Variants in BCO1 observed in about 807,000 individuals in gnomAD.
BCO1 encodes beta,beta-carotene 15,15'-dioxygenase.
Under a neutral mutation model 56.3 loss-of-function variants are expected in BCO1, and 54 were observed. The observed-to-expected ratio is 0.96, with a 90% CI of 0.77 to 1.20. The LOEUF (loss-of-function observed/expected upper bound fraction) is 1.20. Ranked by LOEUF, BCO1 falls within the 50% of genes most tolerant of loss-of-function variation. The pLI is 0.00. For missense variants in BCO1, 801 were observed against 690.9 expected (o/e 1.16, Z -1.79); for synonymous variants, 318 against 266.1 (o/e 1.20, Z -1.90).
rs143739349 is a variant in BCO1, at chr16:81,239,016, T to G, written c.64+44T>G. On this transcript the variant is annotated intron_variant, in intron 1 of 10. Transcript: ENST00000258168. Reference sequence around the variant, plus strand: ...ACTGGGCTCTTTCTTCTATTTATTTTATTATTTTTTTTTTTTTTGAGGCGG... The same window carrying G: ...ACTGGGCTCTTTCTTCTATTTATTTGATTATTTTTTTTTTTTTTGAGGCGG... 6.5e-5 allele frequency: 99 copies of G among 1,530,412 alleles called. No individual in the cohort carries two copies. The African/African-American group carries it at 1.4e-3, about 22-fold the overall frequency. The allele number at this position is 1,530,412 out of a possible 1,614,324, so 94.8% of individuals were successfully genotyped here. A position where few individuals can be genotyped will look rare whatever the true frequency, so the allele number is the denominator to read the frequency against.
intron 2 of BCO1, among the ~76,000 whole-genome samples, chr16:81,255,433 C>A (rs934627407): frequency 2.0e-5 from 3 of 152,182 alleles, no homozygotes; most frequent in Non-Finnish European, 4.4e-5. Context: ...AAGTTGGAAC[C>A]TTTAAGCACT....
chr16:81,266,763 C>G (rs1184676406), intron 5 of BCO1, among the ~76,000 whole-genome samples: 1 of 152,192 alleles, frequency 6.6e-6, no homozygotes, highest in Non-Finnish European at 1.5e-5. Context: ...AGCAGAGATC[C>G]TCTGAGCACC....
intron 3 of BCO1, among the ~76,000 whole-genome samples, chr16:81,260,226 G>A (rs976796991): frequency 1.9e-4 from 29 of 151,186 alleles, no homozygotes; most frequent in Non-Finnish European, 7.4e-5. Flanking sequence ...AAAACTGTAC[G>A]AGAAAATGCC....
intron 8 of BCO1, among the ~76,000 whole-genome samples, chr16:81,281,593 A>G (rs1401708321): frequency 1.3e-5 from 2 of 152,196 alleles, no homozygotes; most frequent in African/African-American, 4.8e-5. Flanking sequence ...TATCCTGCAA[A>G]AATAGGTGTT....
chr16:81,280,010 C>T (rs1364079617), intron 7 of BCO1, among the ~76,000 whole-genome samples: 1 of 152,000 alleles, frequency 6.6e-6, no homozygotes, highest in Non-Finnish European at 1.5e-5. Context: ...CGCCTGTAAT[C>T]CCAGCACTTT....
intron 3 of BCO1, 172 bp from the exon 4 acceptor site, chr16:81,261,964 A>C (rs1906511978): frequency 1.4e-6 from 1 of 723,662 alleles, no homozygotes; most frequent in Non-Finnish European, 2.4e-6. Flanking sequence ...GGATGGTCTC[A>C]ATCTCCTGAC....
intron 7 of BCO1, among the ~76,000 whole-genome samples, chr16:81,275,086 A>T (rs1386014881): frequency 6.6e-6 from 1 of 152,264 alleles, no homozygotes; most frequent in South Asian, 2.1e-4. Context: ...AAAGTCAGGC[A>T]GGTGGACAGA....
chr16:81,263,632 A>C (rs1906633833), intron 4 of BCO1: 1 of 152,206 alleles, frequency 6.6e-6, no homozygotes, highest in Non-Finnish European at 1.5e-5. Flanking sequence ...GACTGTTGAA[A>C]TGCCTGCGAT....
intron 6 of BCO1, among the ~76,000 whole-genome samples, chr16:81,269,193 T>G: frequency 6.7e-6 from 1 of 149,340 alleles, no homozygotes; most frequent in East Asian, 2.0e-4. Context: ...CCCAACTCAC[T>G]TCCCCCCTCC....
chr16:81,286,258 G>A (rs768475437), intron 9 of BCO1, among the ~76,000 whole-genome samples: 1 of 152,114 alleles, frequency 6.6e-6, no homozygotes, highest in Non-Finnish European at 1.5e-5. Flanking sequence ...TGCTGTGCAG[G>A]TGTCACTTCT....
intron 2 of BCO1, among the ~76,000 whole-genome samples, chr16:81,253,601 A>G (rs1279595908): frequency 2.0e-5 from 3 of 152,148 alleles, no homozygotes; most frequent in East Asian, 1.9e-4. Flanking sequence ...GTCAGCCCCA[A>G]AGCTCAGGCT....
In BCO1 at chr16:81,264,736, G is replaced by A. The variant is rs151149493; in HGVS notation, c.568G>A (p.Glu190Lys). The A allele has an allele frequency of 4.2e-5, 67 of 1,614,226 alleles. No individual in the cohort carries two copies. In the African/African-American group the frequency reaches 7.9e-4, roughly 19 times the overall value. The change falls in exon 5 of 11, where the codon GAA becomes AAA. Residue 190 changes from glutamate (E) to lysine (K), a missense_variant. Physicochemically the swap from Glu to Lys is moderately conservative, Grantham distance 56. Transcript: ENST00000258168. ...TCTAAACATGGGCACATCCATTGTG[G>A]AAAAGGGGAAGACAAAGTATGTGAT... ...NVLNMGTSIV[E>K]KGKTKYVIFK...
intron 2 of BCO1, among the ~76,000 whole-genome samples, chr16:81,248,986 T>G (rs113658173): frequency 0.025 from 3,824 of 152,172 alleles, 158 homozygotes; most frequent in African/African-American, 0.086. Context: ...CACTCCAGCC[T>G]GGGTGACACA....
At chr16:81,253,744 G>A (rs1197496506) in intron 2 of BCO1, among the ~76,000 whole-genome samples, 2 of 152,050 alleles carry the variant, frequency 1.3e-5, no homozygotes, top group Admixed American at 6.6e-5. Flanking sequence ...CGGGAGGATC[G>A]CTTGAGTCCA....
chr16:81,278,036 G>GTTTAT (rs1401451697), intron 7 of BCO1, among the ~76,000 whole-genome samples: 2 of 151,922 alleles, frequency 1.3e-5, no homozygotes, highest in Admixed American at 1.3e-4. Flanking sequence ...GAAAGTTTCT[G>GTTTAT]TTTATTTTAT....
rs1406795240 is a variant in BCO1, at chr16:81,290,782, T to C, written c.*205T>C. ...AAAATTTTGTTTGAAAGTCAAACAT[T>C]TGAACATCAAATATGTATTGATTAG... is the stretch of plus-strand genomic sequence containing the variant. On this transcript the variant is annotated 3_prime_UTR_variant, in exon 11 of 11. Transcript: ENST00000258168. The C allele has an allele frequency of 1.0e-5, 6 of 576,582 alleles. No individual in the cohort carries two copies. The highest frequency in any genetic ancestry group is 1.8e-5 in the Non-Finnish European group (6 of 324,526). The allele number at this position is 576,582 out of a possible 1,614,324, so 35.7% of individuals were successfully genotyped here. A position where few individuals can be genotyped will look rare whatever the true frequency, so the allele number is the denominator to read the frequency against.
intron 7 of BCO1, among the ~76,000 whole-genome samples, chr16:81,274,086 G>C (rs1907401638): frequency 1.3e-5 from 2 of 152,122 alleles, no homozygotes; most frequent in Non-Finnish European, 2.9e-5. Flanking sequence ...GTACTGAGGA[G>C]TAACAAGGCA....
chr16:81,249,614 C>T (rs111714175), intron 2 of BCO1, among the ~76,000 whole-genome samples: 4,958 of 151,892 alleles, frequency 0.033, 116 homozygotes, highest in Non-Finnish European at 0.051. Context: ...TTGGCCAGGC[C>T]GGTCTCGAAC....
chr16:81,281,975 A>G (rs1394559364), intron 8 of BCO1, among the ~76,000 whole-genome samples: 1 of 152,260 alleles, frequency 6.6e-6, no homozygotes, highest in East Asian at 1.9e-4. Context: ...TATCAGCAGC[A>G]CATGACACAA....
Sources: gnomAD v4.1 joint callset for allele counts (sites outside exome capture counted in the v4.1 genomes callset) on GRCh38, gnomAD v4.1.1 for gene constraint, MANE v1.5 for transcripts, NCBI Gene and HGNC (gene_info 2026-07-23, HGNC 2026-07-21) for gene names.